CAGE1: variants seen among roughly 807,000 people sequenced by gnomAD.
CAGE1 encodes the protein cancer-associated gene 1 protein.
CAGE1 carries 66 observed loss-of-function variants against 94.9 expected under a neutral mutation model. The ratio of observed to expected loss-of-function variants is 0.70; its 90% CI spans 0.57 to 0.85. The LOEUF (loss-of-function observed/expected upper bound fraction) is 0.85, where lower values mean the gene tolerates loss of function less well. CAGE1 is among the 40% of genes least tolerant of loss of function. The pLI is 0.00. For synonymous variants in CAGE1, 319 were observed against 321.0 expected (o/e 0.99, Z 0.07); for missense variants, 865 against 950.4 (o/e 0.91, Z 1.18).
At chr6:7,382,277 G>A (rs1760962293) in intron 3 of CAGE1, among the ~76,000 whole-genome samples, 1 of 151,606 alleles carries the variant, frequency 6.6e-6, no homozygotes, top group South Asian at 2.1e-4. Flanking sequence ...TCTTAATGTA[G>A]TCAATGCATC....
At chr6:7,338,241 A>G (rs571023765) in intron 11 of CAGE1, among the ~76,000 whole-genome samples, 10 of 152,092 alleles carry the variant, frequency 6.6e-5, no homozygotes, top group Non-Finnish European at 1.3e-4. Flanking sequence ...TTCATGTCCA[A>G]TTTGGATGAG....
At chr6:7,348,018 T>C (rs1759627212) in intron 11 of CAGE1, among the ~76,000 whole-genome samples, 1 of 148,334 alleles carries the variant, frequency 6.7e-6, no homozygotes, top group South Asian at 2.1e-4. Context: ...GCATATATTC[T>C]TGGGAGTTCT....
Position 7,329,855 on chromosome 6 carries a change from C to G in CAGE1, c.2472G>C (p.Met824Ile), listed in dbSNP as rs1467809427. The part of the protein sequence containing the change: ...SKSLENHPKS[M>I]TMMPALFKEN... Reference sequence around the variant, plus strand: ...GATCATCAAGGTGACCTACCATGGTCATGGACTTCGGATGATTTTCTAAGC... The same window carrying G: ...GATCATCAAGGTGACCTACCATGGTGATGGACTTCGGATGATTTTCTAAGC... Residue 824 changes from methionine to isoleucine, a missense_variant, in exon 13 of 14, where the codon ATG (methionine) becomes ATC (isoleucine). Physicochemically the swap from Met to Ile is conservative, Grantham distance 10. Transcript: ENST00000502583. 4 of 1,452,182 alleles carry G rather than the reference C, an allele frequency of 2.8e-6. No individual in the cohort carries two copies. In the Admixed American group the frequency reaches 7.3e-5, roughly 27 times the overall value. 90.0% of individuals were successfully genotyped at this position (1,452,182 alleles called of 1,614,324 possible). A position where few individuals can be genotyped will look rare whatever the true frequency, so the allele number is the denominator to read the frequency against.
At chr6:7,383,672 T>C (rs1204752559) in intron 3 of CAGE1, among the ~76,000 whole-genome samples, 1 of 152,238 alleles carries the variant, frequency 6.6e-6, no homozygotes, top group Non-Finnish European at 1.5e-5. Context: ...GTATTTTTTT[T>C]AACTTTTTCA....
intron 4 of CAGE1, among the ~76,000 whole-genome samples, chr6:7,376,052 T>C (rs1760731871): frequency 6.6e-6 from 1 of 152,130 alleles, no homozygotes; most frequent in Admixed American, 6.5e-5. Flanking sequence ...TAAATGTTGT[T>C]ATCACAGGAG....
intron 3 of CAGE1, among the ~76,000 whole-genome samples, chr6:7,380,338 C>T (rs143789254): frequency 6.6e-5 from 10 of 152,202 alleles, no homozygotes; most frequent in Non-Finnish European, 1.2e-4. Flanking sequence ...CTCACTCTAT[C>T]TATAGCCATA....
chr6:7,376,336 C>A (rs1306603694), intron 4 of CAGE1, among the ~76,000 whole-genome samples: 1 of 151,798 alleles, frequency 6.6e-6, no homozygotes, highest in Non-Finnish European at 1.5e-5. Flanking sequence ...TTGCAGTGAG[C>A]CAAGATGGTG....
chr6:7,374,538 CT>C (rs780485437), intron 4 of CAGE1, among the ~76,000 whole-genome samples: 18 of 149,464 alleles, frequency 1.2e-4, no homozygotes, highest in East Asian at 2.0e-4. Flanking sequence ...AGTTCTCTCT[CT>C]TTTTTTTTTT....
At chr6:7,345,872 C>G (rs983546322) in intron 11 of CAGE1, among the ~76,000 whole-genome samples, 3 of 152,134 alleles carry the variant, frequency 2.0e-5, no homozygotes, top group East Asian at 1.9e-4. Flanking sequence ...TTGCAGTGAG[C>G]CGATACTGTA....
At chr6:7,329,649 C>T (rs1185798892) in intron 13 of CAGE1, among the ~76,000 whole-genome samples, 200 bp downstream of exon 13, 1 of 151,986 alleles carries the variant, frequency 6.6e-6, no homozygotes, top group Non-Finnish European at 1.5e-5. Flanking sequence ...GTGAAGGAGC[C>T]CTACAAGATT....
chr6:7,380,429 G>A (rs1415739824), intron 3 of CAGE1, among the ~76,000 whole-genome samples: 2 of 152,102 alleles, frequency 1.3e-5, no homozygotes, highest in Non-Finnish European at 2.9e-5. Flanking sequence ...CTGAGGTCAG[G>A]AATTCGAGAC....
In CAGE1 at chr6:7,342,714, CTT is replaced by C. The variant is rs564198349; in HGVS notation, c.2370-8626_2370-8625del. ...GCTTTTGGGTTCTTGGTCATGAAGTCTTTGCTTAAGCCAATGTCGAGAAGGGT... is the reference window on the plus strand; with the variant it reads ...GCTTTTGGGTTCTTGGTCATGAAGTCTGCTTAAGCCAATGTCGAGAAGGGT... On this transcript the variant is annotated intron_variant, in intron 11 of 13. Transcript: ENST00000502583. Among the ~76,000 whole-genome samples, 40 of 152,278 alleles carry C rather than the reference CTT, an allele frequency of 2.6e-4. 1 individual carries two copies. The South Asian group carries it at 7.7e-3, about 29-fold the overall frequency.
At chr6:7,351,705 A>G (rs1432578825) in intron 11 of CAGE1, among the ~76,000 whole-genome samples, 1 of 152,110 alleles carries the variant, frequency 6.6e-6, no homozygotes, top group African/African-American at 2.4e-5. Flanking sequence ...GTTTCACACC[A>G]GGGATTCAGG....
rs560058070 is a variant in CAGE1, at chr6:7,341,924, C to T, written c.2370-7834G>A. ...TACTGCAGCAAGATGTCCTCAATGC[C>T]GTTCGTGTCACTTTCTTGCAATCTT... On this transcript the variant is annotated intron_variant, in intron 11 of 13. Coordinates refer to ENST00000502583, the MANE Select transcript of CAGE1 (RefSeq NM_001170692.2). 4.8e-5 allele frequency: 34 copies of T among 707,942 alleles called. 1 individual carries two copies. Among genetic ancestry groups the T allele is most frequent in the Admixed American group, 3.4e-4 (19 of 56,522 alleles). The allele number at this position is 707,942 out of a possible 1,614,324, so 43.9% of individuals were successfully genotyped here.
chr6:7,359,626 A>G (rs1760104594), intron 9 of CAGE1, among the ~76,000 whole-genome samples: 1 of 152,232 alleles, frequency 6.6e-6, no homozygotes, highest in Non-Finnish European at 1.5e-5. Context: ...TGTGGACTAC[A>G]GCCAGTGAGA....
chr6:7,388,032 CAAAAAAAAAAAA>C (rs70978963), intron 1 of CAGE1, among the ~76,000 whole-genome samples: 20 of 64,970 alleles, frequency 3.1e-4, no homozygotes, highest in Non-Finnish European at 5.1e-4. Context: ...GACTCCATCT[CAAAAAAAAAAAA>C]AAAAAAAAAA....
At chr6:7,376,099 G>A (rs889231605) in intron 4 of CAGE1, among the ~76,000 whole-genome samples, 1 of 152,058 alleles carries the variant, frequency 6.6e-6, no homozygotes, top group Non-Finnish European at 1.5e-5. Flanking sequence ...TTACAAAAGT[G>A]AGTTTGGGGG....
Position 7,365,817 on chromosome 6 carries a change from T to C in CAGE1, c.2072A>G (p.Asp691Gly). Residue 691 changes from aspartate (D) to glycine (G), a missense_variant, in exon 8 of 14, where the codon GAT (aspartate) becomes GGT (glycine). Physicochemically the swap from Asp to Gly is moderately conservative, Grantham distance 94 (BLOSUM62 -1). Transcript: ENST00000502583. The part of the protein sequence containing the change: ...ELIAKEKAFQ[D>G]HAIKVIDCDS... ...TATTAAGCTCACCTTAATAGCATGA[T>C]CTTGAAATGCTTTTTCCTTAGCAAT... is the stretch of plus-strand genomic sequence containing the variant. 1 of 1,528,952 alleles carries C rather than the reference T, an allele frequency of 6.5e-7. No individual in the cohort carries two copies. Among genetic ancestry groups the C allele is most frequent in the Middle Eastern group, 1.7e-4 (1 of 5,752 alleles). 94.7% of individuals were successfully genotyped at this position (1,528,952 alleles called of 1,614,324 possible).
At position 7,333,599 on chromosome 6, in the gene CAGE1, GAGT is replaced by G. The variant is rs1325633565; in HGVS notation, c.2438+420_2438+422del. Among the ~76,000 whole-genome samples, 7 of 92,060 alleles carry G rather than the reference GAGT, an allele frequency of 7.6e-5. 1 individual carries two copies. The highest frequency in any genetic ancestry group is 5.9e-4 in the East Asian group (2 of 3,376). 60.4% of individuals were successfully genotyped at this position (92,060 alleles called of 152,430 possible). Reference sequence around the variant, plus strand: ...TTACCTTAAATTGAGATAAGGAAAAGAGTTTTTTTTTTTAAGTATTATCTAACT... The same window carrying G: ...TTACCTTAAATTGAGATAAGGAAAAGTTTTTTTTTTAAGTATTATCTAACT... On this transcript the variant is annotated intron_variant, in intron 12 of 13. Transcript: ENST00000502583.
Sources: gnomAD v4.1 joint callset for allele counts (sites outside exome capture counted in the v4.1 genomes callset) on GRCh38, gnomAD v4.1.1 for gene constraint, MANE v1.5 for transcripts, NCBI Gene and HGNC (gene_info 2026-07-23, HGNC 2026-07-21) for gene names.